Variants in ACOXL observed in about 807,000 individuals in gnomAD.
The protein encoded by ACOXL is acyl-CoA oxidase like.
Under a neutral mutation model 71.9 loss-of-function variants are expected in ACOXL, and 70 were observed. The observed-to-expected ratio is 0.97, with a 90% CI of 0.80 to 1.19. ACOXL has a LOEUF of 1.19. Ranked by LOEUF, ACOXL falls within the 50% of genes most tolerant of loss-of-function variation. ACOXL has a pLI of 0.00. For synonymous variants in ACOXL, 253 were observed against 281.6 expected (o/e 0.90, Z 1.02); for missense variants, 703 against 736.3 (o/e 0.95, Z 0.52).
intron 15 of ACOXL, among the ~76,000 whole-genome samples, chr2:111,046,414 C>T (rs150408672): frequency 6.6e-6 from 1 of 152,244 alleles, no homozygotes; most frequent in African/African-American, 2.4e-5. Context: ...TCTCATGCTG[C>T]TAATAAAGAC....
intron 16 of ACOXL, among the ~76,000 whole-genome samples, chr2:111,059,420 A>G (rs1251045873): frequency 6.6e-6 from 1 of 152,270 alleles, no homozygotes; most frequent in Non-Finnish European, 1.5e-5. Flanking sequence ...GATTTATTAC[A>G]TAAGTGAGAC....
intron 17 of ACOXL, among the ~76,000 whole-genome samples, chr2:111,103,916 T>C (rs182055588): frequency 1.1e-3 from 164 of 152,312 alleles, no homozygotes; most frequent in African/African-American, 3.4e-3. Context: ...ACAATGACAT[T>C]GATACAGTGA....
chr2:111,059,646 T>C (rs2066707651), intron 16 of ACOXL, among the ~76,000 whole-genome samples: 1 of 151,956 alleles, frequency 6.6e-6, no homozygotes, highest in Non-Finnish European at 1.5e-5. Flanking sequence ...TAGACCAAGC[T>C]AGGAACCTCA....
intron 10 of ACOXL, among the ~76,000 whole-genome samples, chr2:110,905,463 A>G (rs991796002): frequency 6.6e-6 from 1 of 152,216 alleles, no homozygotes; most frequent in African/African-American, 2.4e-5. Context: ...TTTATTCCCT[A>G]CAAGCTGGCC....
At chr2:111,108,067 C>A (rs530909881) in intron 17 of ACOXL, among the ~76,000 whole-genome samples, 1 of 152,232 alleles carries the variant, frequency 6.6e-6, no homozygotes, top group African/African-American at 2.4e-5. Flanking sequence ...CAGTAATTTT[C>A]CTAGGGAAAG....
chr2:111,066,921 C>G (rs949438871), intron 16 of ACOXL, among the ~76,000 whole-genome samples: 1 of 152,054 alleles, frequency 6.6e-6, no homozygotes, highest in African/African-American at 2.4e-5. Flanking sequence ...CAGGAGAAAT[C>G]CCAGAAACTG....
chr2:110,806,837 C>T (rs1305328770), intron 9 of ACOXL, among the ~76,000 whole-genome samples: 6 of 152,124 alleles, frequency 3.9e-5, no homozygotes, highest in Admixed American at 1.3e-4. Context: ...CCGCCAGCAG[C>T]CCTGCAGGCT....
rs548001377 is a variant in ACOXL at position 111,003,550 on chromosome 2, CAAAAAAAA to C, written c.1281+7568_1281+7575del. Among the ~76,000 whole-genome samples the C allele has an allele frequency of 1.6e-3, 57 of 35,334 alleles. 2 individuals are homozygous for C. Among genetic ancestry groups the C allele is most frequent in the South Asian group, 2.9e-3 (2 of 688 alleles). The allele number at this position is 35,334 out of a possible 152,430, so 23.2% of individuals were successfully genotyped here. ...TGGGCGACAGGGCGAGACTCTGTCTCAAAAAAAAAAAAAAAAAAAAAAAAAAAAAGAAT... is the reference window on the plus strand; with the variant it reads ...TGGGCGACAGGGCGAGACTCTGTCTCAAAAAAAAAAAAAAAAAAAAAGAAT... On this transcript the variant is annotated intron_variant, in intron 14 of 17. Transcript: ENST00000439055.
At chr2:111,068,872 G>T (rs1467889515) in intron 16 of ACOXL, among the ~76,000 whole-genome samples, 2 of 152,168 alleles carry the variant, frequency 1.3e-5, no homozygotes, top group Admixed American at 6.5e-5. Context: ...GGAAAAATTA[G>T]CAAGGAAGGA....
At chr2:110,918,505 T>C (rs2059946577) in intron 11 of ACOXL, among the ~76,000 whole-genome samples, 1 of 152,300 alleles carries the variant, frequency 6.6e-6, no homozygotes, top group East Asian at 1.9e-4. Context: ...AAAGGCTTCA[T>C]GACTAAAACA....
intron 1 of ACOXL, among the ~76,000 whole-genome samples, chr2:110,764,433 A>T (rs1030442173): frequency 6.6e-6 from 1 of 152,198 alleles, no homozygotes; most frequent in Non-Finnish European, 1.5e-5. Flanking sequence ...ATACTGCATT[A>T]TTTCAACTGT....
chr2:111,045,788 C>T (rs1167806712), intron 15 of ACOXL, among the ~76,000 whole-genome samples: 1 of 152,114 alleles, frequency 6.6e-6, no homozygotes, highest in African/African-American at 2.4e-5. Flanking sequence ...TTTTGTTGGG[C>T]CTCTGTTCTG....
chr2:110,908,873 G>C lies in ACOXL; in HGVS notation c.873G>C (p.Leu291=). 2 of 1,613,964 alleles carry C rather than the reference G, an allele frequency of 1.2e-6. No individual in the cohort carries two copies. The highest frequency in any genetic ancestry group is 2.2e-5 in the East Asian group (1 of 44,874). The change falls in exon 11 of 18, where the codon CTG becomes CTC. Residue 291 remains leucine, a synonymous_variant. Transcript: ENST00000439055. The stretch of plus-strand genomic sequence containing the variant: ...AGACCCTGCGGCTGATGCCCCACCT[G>C]GCCACAGCCTTGGCCCTGACCTTCG... ...QTQTLRLMPH[L]ATALALTFVS...
intron 1 of ACOXL, among the ~76,000 whole-genome samples, chr2:110,751,280 G>C (rs1272132161): frequency 1.5e-5 from 2 of 137,520 alleles, no homozygotes; most frequent in Admixed American, 1.6e-4. Context: ...CAGCCTGGGC[G>C]AGAGCGAGAC....
At chr2:111,115,824 C>T (rs2070311385) in intron 17 of ACOXL, among the ~76,000 whole-genome samples, 1 of 152,200 alleles carries the variant, frequency 6.6e-6, no homozygotes, top group East Asian at 1.9e-4. Context: ...CATTGGAGGG[C>T]ACACTCCCTG....
At chr2:110,809,830 C>T (rs567166373) in intron 9 of ACOXL, among the ~76,000 whole-genome samples, 85 of 152,326 alleles carry the variant, frequency 5.6e-4, no homozygotes, top group Non-Finnish European at 9.3e-4. Context: ...GGGCCCTTCT[C>T]ACCGCACATG....
intron 17 of ACOXL, 117 bp from the exon 18 acceptor site, chr2:111,117,499 G>A: frequency 9.2e-7 from 1 of 1,091,598 alleles, no homozygotes; most frequent in South Asian, 1.4e-5. Context: ...AATCCAAAGG[G>A]AAACTAGTTT....
intron 9 of ACOXL, among the ~76,000 whole-genome samples, chr2:110,826,887 T>C (rs1276485829): frequency 1.3e-5 from 2 of 151,882 alleles, no homozygotes; most frequent in Non-Finnish European, 2.9e-5. Context: ...GATCCTAGTC[T>C]CTTCTCAGCT....
chr2:110,796,036 T>C (rs541863475), intron 5 of ACOXL: 2 of 140,666 alleles, frequency 1.4e-5, no homozygotes, highest in African/African-American at 2.6e-5. Flanking sequence ...AACAATCCCA[T>C]CATAAACTCA....
Sources: allele counts gnomAD v4.1 joint callset (sites outside exome capture counted in the v4.1 genomes callset), GRCh38; gene constraint gnomAD v4.1.1; transcripts MANE v1.5; gene names NCBI Gene and HGNC (gene_info 2026-07-23, HGNC 2026-07-21).